SHANK2: variants seen among roughly 807,000 people sequenced by gnomAD.
SHANK2 encodes SH3 and multiple ankyrin repeat domains 2.
SHANK2 carries 43 observed loss-of-function variants against 133.7 expected under a neutral mutation model. That is an observed-to-expected ratio of 0.32 (90% CI 0.25 to 0.41). The LOEUF is 0.41. Among genes scored for constraint, SHANK2 ranks in the 10% least tolerant of loss-of-function variants. The probability of loss-of-function intolerance (pLI) is 1.00; values close to 1 mark genes in which losing one functional copy is unlikely to be tolerated. For missense variants in SHANK2, 1,994 were observed against 2,235.8 expected, an observed-to-expected ratio of 0.89 and a Z score of 2.18; for synonymous variants, 1,017 against 952.8, an observed-to-expected ratio of 1.07 and a Z score of -1.24.
intron 10 of SHANK2, among the ~76,000 whole-genome samples, chr11:70,911,714 C>G (rs577573139): frequency 6.6e-6 from 1 of 152,118 alleles, no homozygotes; most frequent in African/African-American, 2.4e-5. Context: ...CCAGGGAGTA[C>G]AACTCATGGC....
chr11:70,764,674 C>A (rs116500415), intron 14 of SHANK2, among the ~76,000 whole-genome samples: 1 of 151,634 alleles, frequency 6.6e-6, no homozygotes, highest in African/African-American at 2.4e-5. Context: ...TGCATCCACA[C>A]GTGCATCTAT....
chr11:71,169,661 A>G (rs1477502741), intron 2 of SHANK2, among the ~76,000 whole-genome samples: 5 of 151,858 alleles, frequency 3.3e-5, no homozygotes, highest in Non-Finnish European at 7.4e-5. Context: ...TAAGGCAGGA[A>G]AACCGCTTGA....
intron 17 of SHANK2, among the ~76,000 whole-genome samples, chr11:70,610,567 G>A (rs1252319199): frequency 1.3e-5 from 2 of 152,230 alleles, no homozygotes; most frequent in African/African-American, 4.8e-5. Context: ...TGAATCCAAG[G>A]ATGATGGTTT....
intron 17 of SHANK2, among the ~76,000 whole-genome samples, chr11:70,659,304 C>T (rs782728104): frequency 1.4e-4 from 21 of 152,200 alleles, no homozygotes; most frequent in Non-Finnish European, 2.5e-4. Flanking sequence ...CCAGCCATCC[C>T]TCTTGCCCGG....
chr11:70,480,539 T>C (rs1363285095), intron 25 of SHANK2, among the ~76,000 whole-genome samples: 1 of 152,204 alleles, frequency 6.6e-6, no homozygotes, highest in Non-Finnish European at 1.5e-5. Context: ...GTTTGTCTTA[T>C]TATTTGTTGT....
At chr11:70,771,035 C>A (rs1310629908) in intron 14 of SHANK2, among the ~76,000 whole-genome samples, 2 of 150,508 alleles carry the variant, frequency 1.3e-5, no homozygotes, top group East Asian at 3.9e-4. Context: ...AGCGATACAC[C>A]CACCTCAGCC....
intron 11 of SHANK2, among the ~76,000 whole-genome samples, chr11:70,879,422 T>C (rs914328742): frequency 5.3e-5 from 8 of 152,198 alleles, no homozygotes; most frequent in Non-Finnish European, 8.8e-5. Context: ...GAATTCGGGC[T>C]CAGCTCAAAA....
intron 11 of SHANK2, among the ~76,000 whole-genome samples, chr11:70,876,678 A>G (rs1320763471): frequency 6.6e-6 from 1 of 152,202 alleles, no homozygotes; most frequent in African/African-American, 2.4e-5. Context: ...GCTGAGGTTC[A>G]GAGGAGTGTT....
chr11:71,130,504 G>C (rs1590940592), intron 3 of SHANK2, among the ~76,000 whole-genome samples: 1 of 152,154 alleles, frequency 6.6e-6, no homozygotes, highest in Non-Finnish European at 1.5e-5. Flanking sequence ...ATTGTAGTGA[G>C]GGCAAGGAAG....
At chr11:70,613,348 C>T (rs1478605948) in intron 17 of SHANK2, among the ~76,000 whole-genome samples, 3 of 152,058 alleles carry the variant, frequency 2.0e-5, no homozygotes, top group Non-Finnish European at 4.4e-5. Context: ...GGACTACAGG[C>T]GCCCGTTGCC....
At chr11:71,180,373 G>C (rs149668964) in intron 2 of SHANK2, among the ~76,000 whole-genome samples, 1 of 152,242 alleles carries the variant, frequency 6.6e-6, no homozygotes, top group South Asian at 2.1e-4. Flanking sequence ...GGTTTCCAAA[G>C]AAAAATGTGG....
intron 9 of SHANK2, among the ~76,000 whole-genome samples, chr11:71,065,538 A>G (rs1298750783): frequency 8.0e-6 from 1 of 125,078 alleles, no homozygotes; most frequent in Non-Finnish European, 1.6e-5. Flanking sequence ...TCTCCCAGGG[A>G]GATGAGCAGT....
intron 14 of SHANK2, among the ~76,000 whole-genome samples, chr11:70,776,299 C>T (rs1286669439): frequency 6.6e-6 from 1 of 152,216 alleles, no homozygotes; most frequent in Non-Finnish European, 1.5e-5. Flanking sequence ...AAGCCCCAAC[C>T]CCATTCCTCT....
intron 9 of SHANK2, among the ~76,000 whole-genome samples, chr11:71,061,977 T>C (rs1950993693): frequency 1.4e-5 from 2 of 146,922 alleles, no homozygotes; most frequent in African/African-American, 2.5e-5. Flanking sequence ...CTTTCTTTTT[T>C]TTTTTTTTTT....
At chr11:70,703,675 C>A (rs1425085881) in intron 14 of SHANK2, among the ~76,000 whole-genome samples, 2 of 152,232 alleles carry the variant, frequency 1.3e-5, no homozygotes, top group African/African-American at 2.4e-5. Context: ...AGGGGCCACA[C>A]CAGCCTCCCT....
intron 10 of SHANK2, among the ~76,000 whole-genome samples, chr11:70,899,882 G>T (rs1949999835): frequency 6.6e-6 from 1 of 152,218 alleles, no homozygotes; most frequent in Admixed American, 6.5e-5. Context: ...GAGGGCATGG[G>T]CTCTGGCCTG....
At chr11:70,716,128 CCCTCTTTGTGGTCGG>C (rs1945912382) in intron 14 of SHANK2, among the ~76,000 whole-genome samples, 2 of 152,224 alleles carry the variant, frequency 1.3e-5, no homozygotes, top group Non-Finnish European at 2.9e-5. Context: ...TGTCTTAGGG[CCCTCTTTGTGGTCGG>C]CCTCTTTCCC....
intron 2 of SHANK2, among the ~76,000 whole-genome samples, chr11:71,209,249 C>T (rs1954198327): frequency 6.6e-6 from 1 of 152,180 alleles, no homozygotes; most frequent in South Asian, 2.1e-4. Flanking sequence ...TGAGGAAAAC[C>T]ACAGGGCCTT....
rs530173347 is a variant in SHANK2 at position 70,855,826 on chromosome 11, G to A, written c.1175-35144C>T. On this transcript the variant is annotated intron_variant, in intron 11 of 25. Coordinates refer to ENST00000601538, the MANE Select transcript of SHANK2 (RefSeq NM_012309.5). The stretch of plus-strand genomic sequence containing the variant: ...GGATTGTTGGATGAATGGATGGATG[G>A]GTGGGTGGATAAATGAATGGATAAA... Among the ~76,000 whole-genome samples the A allele has an allele frequency of 5.9e-5, 9 of 152,314 alleles. No individual in the cohort carries two copies. The South Asian group carries it at 1.9e-3, about 32-fold the overall frequency.
Sources: allele counts gnomAD v4.1 joint callset (sites outside exome capture counted in the v4.1 genomes callset), GRCh38; gene constraint gnomAD v4.1.1; transcripts MANE v1.5; gene names NCBI Gene and HGNC (gene_info 2026-07-23, HGNC 2026-07-21).